The following CACNA2D1 variants were observed in gnomAD, a reference collection of about 807,000 sequenced individuals.
The protein encoded by CACNA2D1 is calcium voltage-gated channel auxiliary subunit alpha2delta 1, also known as voltage-dependent calcium channel subunit alpha-2/delta-1.
In CACNA2D1, 53 loss-of-function variants were observed where a neutral mutation model predicts 171.5. The ratio of observed to expected loss-of-function variants is 0.31; its 90% CI spans 0.25 to 0.39. The LOEUF (loss-of-function observed/expected upper bound fraction) is 0.39, where lower values mean the gene tolerates loss of function less well. CACNA2D1 is among the 10% of genes least tolerant of loss of function. The probability of loss-of-function intolerance (pLI) is 1.00; values close to 1 mark genes in which losing one functional copy is unlikely to be tolerated. For synonymous variants in CACNA2D1, 442 were observed against 443.1 expected (o/e 1.00, Z 0.03); for missense variants, 903 against 1,299.8 (o/e 0.69, Z 4.69).
At chr7:82,097,179 A>ATTCAG (rs1811990728) in intron 6 of CACNA2D1, among the ~76,000 whole-genome samples, 1 of 152,172 alleles carries the variant, frequency 6.6e-6, no homozygotes, top group African/African-American at 2.4e-5. Context: ...GGAGTTGAAC[A>ATTCAG]TTGTTCAAAA....
At chr7:82,271,131 T>C (rs1490838822) in intron 3 of CACNA2D1, among the ~76,000 whole-genome samples, 2 of 152,100 alleles carry the variant, frequency 1.3e-5, no homozygotes, top group Admixed American at 6.6e-5. Flanking sequence ...ACATATCCAC[T>C]ACCATCCTCT....
In CACNA2D1 at chr7:81,962,465, C is replaced by G; in HGVS notation, c.2811G>C (p.Leu937Phe). The change falls in exon 35 of 39, where the codon TTG becomes TTC. Residue 937 changes from leucine (L) to phenylalanine (F), a missense_variant. This residue lies in a region of CACNA2D1 where 623 missense variants were observed against 925.5 expected (regional missense o/e 0.67). Transcript: ENST00000356860. ...WSILQQFLLS[L>F]TFPRLLEAVE... ...CTGCCTCAAGGAGTCGTGGAAAGGTCAAACTCAAGAGAAACTGCTGTAGAA... is the reference window on the plus strand; with the variant it reads ...CTGCCTCAAGGAGTCGTGGAAAGGTGAAACTCAAGAGAAACTGCTGTAGAA... The G allele has an allele frequency of 6.2e-7, 1 of 1,604,352 alleles. No homozygotes were observed. The highest frequency in any genetic ancestry group is 8.5e-7 in the Non-Finnish European group (1 of 1,174,770).
At chr7:82,356,886 G>GA (rs970503004) in intron 1 of CACNA2D1, among the ~76,000 whole-genome samples, 2 of 151,912 alleles carry the variant, frequency 1.3e-5, no homozygotes, top group Non-Finnish European at 2.9e-5. Flanking sequence ...AATTGTCATA[G>GA]AAAAAAAGTC....
intron 12 of CACNA2D1, among the ~76,000 whole-genome samples, chr7:82,017,695 T>C (rs186075233): frequency 5.9e-5 from 9 of 152,260 alleles, no homozygotes; most frequent in Admixed American, 5.2e-4. Context: ...CCTTGAAATA[T>C]GTACAATTTA....
At chr7:82,332,562 GAA>G (rs753665271) in intron 3 of CACNA2D1, among the ~76,000 whole-genome samples, 3 of 104,714 alleles carry the variant, frequency 2.9e-5, no homozygotes, top group African/African-American at 9.4e-5. Flanking sequence ...AAGAAAGAAA[GAA>G]AGAACGAACA....
intron 1 of CACNA2D1, among the ~76,000 whole-genome samples, chr7:82,403,501 T>C (rs1826677314): frequency 6.6e-6 from 1 of 152,230 alleles, no homozygotes; most frequent in Non-Finnish European, 1.5e-5. Context: ...CCTTGTATCA[T>C]GTCATCATGG....
chr7:82,267,792 A>G (rs1286978203), intron 3 of CACNA2D1, among the ~76,000 whole-genome samples: 1 of 152,194 alleles, frequency 6.6e-6, no homozygotes, highest in Non-Finnish European at 1.5e-5. Flanking sequence ...CAGGAGATCA[A>G]GACCATCCTG....
chr7:82,044,744 T>C (rs933810180), intron 10 of CACNA2D1, among the ~76,000 whole-genome samples: 6 of 152,136 alleles, frequency 3.9e-5, no homozygotes, highest in Admixed American at 2.0e-4. Context: ...GCTCCAAAAT[T>C]TTGGCTGTGC....
rs1261774098 is a variant in CACNA2D1 at position 81,947,601 on chromosome 7, T to TGAC, written c.*2788_*2790dup. 2.0e-5 allele frequency: 3 copies of TGAC among 152,016 alleles called. No individual in the cohort carries two copies. Among genetic ancestry groups the TGAC allele is most frequent in the Non-Finnish European group, 4.4e-5 (3 of 67,886 alleles). The allele number at this position is 152,016 out of a possible 1,614,324, so 9.4% of individuals were successfully genotyped here. A position where few individuals can be genotyped will look rare whatever the true frequency, so the allele number is the denominator to read the frequency against. Reference sequence around the variant, plus strand: ...CAAGCTCACTTGAACTCTGTTTTAGTGACTAACTACACTAAGCCACATGAG... The same window carrying TGAC: ...CAAGCTCACTTGAACTCTGTTTTAGTGACGACTAACTACACTAAGCCACATGAG... On this transcript the variant is annotated 3_prime_UTR_variant, in exon 39 of 39. Transcript: ENST00000356860.
At chr7:82,110,909 T>C (rs1316508439) in intron 6 of CACNA2D1, among the ~76,000 whole-genome samples, 1 of 152,130 alleles carries the variant, frequency 6.6e-6, no homozygotes, top group Non-Finnish European at 1.5e-5. Context: ...TACACTATTA[T>C]TTTAATTGTT....
At chr7:82,314,143 A>G (rs1013724371) in intron 3 of CACNA2D1, among the ~76,000 whole-genome samples, 17 of 152,210 alleles carry the variant, frequency 1.1e-4, no homozygotes, top group Non-Finnish European at 1.9e-4. Context: ...TCTGAATCCC[A>G]AAGGATCAAA....
At chr7:82,149,478 A>G (rs1793537134) in intron 4 of CACNA2D1, among the ~76,000 whole-genome samples, 1 of 152,062 alleles carries the variant, frequency 6.6e-6, no homozygotes, top group Non-Finnish European at 1.5e-5. Flanking sequence ...TGGGGAGGCT[A>G]TATAGAATTT....
At chr7:82,089,641 A>T (rs1462378663) in intron 6 of CACNA2D1, among the ~76,000 whole-genome samples, 1 of 152,160 alleles carries the variant, frequency 6.6e-6, no homozygotes, top group Non-Finnish European at 1.5e-5. Context: ...TTCAGTCTGG[A>T]TTCTCAAGAG....
Position 81,970,737 on chromosome 7 carries a change from G to C in CACNA2D1, c.2142C>G (p.Ile714Met), listed in dbSNP as rs745501384. ...VQNYWSKQKNIKGVKARFVVT... is the reference protein window; with the variant it reads ...VQNYWSKQKNMKGVKARFVVT... ...CAACAAATCGTGCTTTCACTCCCTT[G>C]CTGAAACAGAAGACAAAACAAGGAA... Residue 714 changes from isoleucine (I) to methionine (M), a missense_variant and splice_region_variant, in exon 27 of 39, where the codon ATC becomes ATG. By Grantham distance (10) the Ile-to-Met change is conservative. This residue lies in a region of CACNA2D1 where 623 missense variants were observed against 925.5 expected (regional missense o/e 0.67). Transcript: ENST00000356860. 9 of 1,568,916 alleles carry C rather than the reference G, an allele frequency of 5.7e-6. No homozygotes were observed. Among genetic ancestry groups the C allele is most frequent in the South Asian group, 1.1e-5 (1 of 90,198 alleles).
At chr7:81,972,239 T>C (rs1251098805) in intron 25 of CACNA2D1, among the ~76,000 whole-genome samples, 1 of 151,286 alleles carries the variant, frequency 6.6e-6, no homozygotes, top group Non-Finnish European at 1.5e-5. Flanking sequence ...TATACACACA[T>C]AAAATTTTAT....
chr7:82,197,859 A>C (rs1799008461), intron 3 of CACNA2D1, among the ~76,000 whole-genome samples: 1 of 151,950 alleles, frequency 6.6e-6, no homozygotes, highest in African/African-American at 2.4e-5. Context: ...TTATCTTGCT[A>C]TCCCATCAGT....
chr7:81,964,061 A>G lies in CACNA2D1; in HGVS notation c.2775T>C (p.Ala925=), dbSNP rs1206114402. The G allele has an allele frequency of 6.2e-7, 1 of 1,611,722 alleles. No homozygotes were observed. The highest frequency in any genetic ancestry group is 1.1e-5 in the South Asian group (1 of 91,038). Residue 925 remains alanine, a synonymous_variant, in exon 34 of 39, where the codon GCT becomes GCC. Transcript: ENST00000356860. ...AAACTAAAATTTTGACTTACCAGGC[A>G]GCAGCAGTGGCCCACCAGCCAATTT... The part of the protein sequence containing the change: ...ILQIGWWATA[A]AWSILQQFLL...
chr7:81,990,767 A>G (rs1326680285), intron 21 of CACNA2D1, among the ~76,000 whole-genome samples: 1 of 152,110 alleles, frequency 6.6e-6, no homozygotes, highest in Non-Finnish European at 1.5e-5. Flanking sequence ...ATATTATAGA[A>G]CTGATACTCA....
intron 12 of CACNA2D1, among the ~76,000 whole-genome samples, chr7:82,019,858 G>T (rs183886339): frequency 4.6e-5 from 7 of 152,090 alleles, no homozygotes; most frequent in Non-Finnish European, 1.0e-4. Context: ...TTCGAATCAT[G>T]TTAGAAAAAT....
Sources: gnomAD v4.1 joint callset for allele counts (sites outside exome capture counted in the v4.1 genomes callset) on GRCh38, gnomAD v4.1.1 for gene constraint, gnomAD v4.1.1 regional missense constraint, MANE v1.5 for transcripts, NCBI Gene and HGNC (gene_info 2026-07-23, HGNC 2026-07-21) for gene names.